SPAG9: variants seen among roughly 807,000 people sequenced by gnomAD.
SPAG9 encodes the protein sperm associated antigen 9, also known as C-Jun-amino-terminal kinase-interacting protein 4.
A neutral mutation model predicts 166.5 loss-of-function variants in SPAG9; 35 were observed. The observed-to-expected ratio is 0.21, with a 90% CI of 0.16 to 0.28. SPAG9 has a LOEUF of 0.28. Among genes scored for constraint, SPAG9 ranks in the 10% least tolerant of loss-of-function variants. The pLI is 1.00. For missense variants in SPAG9, 1,235 were observed against 1,603.3 expected, an observed-to-expected ratio of 0.77 and a Z score of 3.92; for synonymous variants, 534 against 565.5, an observed-to-expected ratio of 0.94 and a Z score of 0.79.
At chr17:51,010,142 T>G (rs1392776857) in intron 9 of SPAG9, among the ~76,000 whole-genome samples, 3 of 152,112 alleles carry the variant, frequency 2.0e-5, no homozygotes, top group Non-Finnish European at 4.4e-5. Context: ...GCTAGGTCCA[T>G]AGATGAGCTT....
intron 1 of SPAG9, among the ~76,000 whole-genome samples, chr17:51,113,019 C>T (rs1598205198): frequency 6.9e-6 from 1 of 145,682 alleles, no homozygotes; most frequent in Non-Finnish European, 1.5e-5. Flanking sequence ...CAAAAACAAA[C>T]AGTTCAGAAA....
intron 12 of SPAG9, 70 bp downstream of exon 12, chr17:51,005,142 C>A (rs759415231): frequency 5.4e-6 from 7 of 1,304,110 alleles, no homozygotes; most frequent in Non-Finnish European, 7.7e-6. Flanking sequence ...CCAAAGCTTA[C>A]GTAGGAAGAT....
chr17:51,054,175 G>T (rs2047291846), intron 3 of SPAG9, among the ~76,000 whole-genome samples: 1 of 133,870 alleles, frequency 7.5e-6, no homozygotes, highest in Non-Finnish European at 1.5e-5. Flanking sequence ...GGAGTGTAGT[G>T]GCACAATATT....
chr17:51,017,998 T>C lies in SPAG9; in HGVS notation c.1091+2161A>G, dbSNP rs552892856. ...TTAATTAATTAAAGGATCAACTTTA[T>C]GGAAGAAATGAAAAGAAAGGCAGTA... On this transcript the variant is annotated intron_variant, in intron 8 of 29. Transcript: ENST00000262013. Among the ~76,000 whole-genome samples, 6 of 152,146 alleles carry C rather than the reference T, an allele frequency of 3.9e-5. 1 individual carries two copies. The highest frequency in any genetic ancestry group is 8.8e-5 in the Non-Finnish European group (6 of 68,016).
chr17:51,066,109 CT>C (rs367569277), intron 2 of SPAG9, among the ~76,000 whole-genome samples: 84 of 147,202 alleles, frequency 5.7e-4, no homozygotes, highest in African/African-American at 1.2e-3. Context: ...CCCCATTACG[CT>C]TTTTTTTTTT....
At chr17:50,975,979 C>G (rs1974176449) in intron 27 of SPAG9, 1 of 1,104,398 alleles carries the variant, frequency 9.1e-7, no homozygotes, top group Non-Finnish European at 1.3e-6. Context: ...CCACCACTCT[C>G]AGCGTCTTCT....
chr17:51,088,422 G>A (rs1382371593), intron 1 of SPAG9, among the ~76,000 whole-genome samples: 2 of 152,110 alleles, frequency 1.3e-5, no homozygotes, highest in African/African-American at 4.8e-5. Context: ...CATCAAAGAC[G>A]TATCATAAAC....
intron 24 of SPAG9, among the ~76,000 whole-genome samples, chr17:50,983,131 G>A (rs1974778714): frequency 6.6e-6 from 1 of 152,156 alleles, no homozygotes; most frequent in African/African-American, 2.4e-5. Context: ...GAAATATGAA[G>A]GAGAACCAGT....
At position 51,031,731 on chromosome 17, in the gene SPAG9, A is replaced by C. The variant is rs989460579; in HGVS notation, c.742-9T>G. 5.2e-6 allele frequency: 8 copies of C among 1,548,902 alleles called. No homozygotes were observed. The Admixed American group carries it at 1.2e-4, about 23-fold the overall frequency. On this transcript the variant is annotated splice_polypyrimidine_tract_variant and intron_variant, in intron 5 of 29. Coordinates refer to ENST00000262013, the MANE Select transcript of SPAG9 (RefSeq NM_001130528.3). ...TCAGGACTATTGCTGACCTAGGAAG[A>C]GGGAAGATTATAAAAGAGAAAAAAA...
chr17:50,995,313 G>C, intron 17 of SPAG9, 89 bp from the exon 18 acceptor site: 2 of 1,330,676 alleles, frequency 1.5e-6, no homozygotes, highest in Non-Finnish European at 2.1e-6. Flanking sequence ...TGTAAATACA[G>C]GTCTTATAAC....
At chr17:51,086,890 C>A (rs2048321987) in intron 1 of SPAG9, among the ~76,000 whole-genome samples, 1 of 151,950 alleles carries the variant, frequency 6.6e-6, no homozygotes, top group Non-Finnish European at 1.5e-5. Context: ...CCACTGCACT[C>A]CAGCCTGGGT....
chr17:51,053,092 T>G (rs1455159428), intron 3 of SPAG9, among the ~76,000 whole-genome samples: 1 of 151,758 alleles, frequency 6.6e-6, no homozygotes. Flanking sequence ...TACTTTAATA[T>G]AGCATAATTT....
At chr17:51,090,481 G>A (rs2048435553) in intron 1 of SPAG9, among the ~76,000 whole-genome samples, 1 of 152,084 alleles carries the variant, frequency 6.6e-6, no homozygotes, top group Non-Finnish European at 1.5e-5. Context: ...AGTCCAGCCT[G>A]GGCAACAGAG....
chr17:51,053,462 G>T (rs2047237157), intron 3 of SPAG9, among the ~76,000 whole-genome samples: 1 of 152,052 alleles, frequency 6.6e-6, no homozygotes, highest in African/African-American at 2.4e-5. Context: ...CAAGGCAGAT[G>T]GATCACGAGG....
chr17:51,031,475 ACTTTGGG>A, intron 6 of SPAG9, 199 bp downstream of exon 6: 1 of 563,260 alleles, frequency 1.8e-6, no homozygotes, highest in South Asian at 2.3e-5. Flanking sequence ...AAAAATGCTT[ACTTTGGG>A]GAAGGAATAA....
intron 14 of SPAG9, among the ~76,000 whole-genome samples, 169 bp from the exon 15 acceptor site, chr17:50,998,786 C>T (rs1338079213): frequency 6.6e-6 from 1 of 152,228 alleles, no homozygotes; most frequent in Non-Finnish European, 1.5e-5. Context: ...AGCAGTAACT[C>T]GTAGCCAAAC....
chr17:51,119,885 G>T (rs2049421029), intron 1 of SPAG9, among the ~76,000 whole-genome samples: 1 of 152,162 alleles, frequency 6.6e-6, no homozygotes, highest in African/African-American at 2.4e-5. Flanking sequence ...GAAAGAGGGA[G>T]ATCTCTAACT....
intron 1 of SPAG9, among the ~76,000 whole-genome samples, chr17:51,094,706 T>G (rs377389730): frequency 5.9e-5 from 9 of 152,194 alleles, no homozygotes; most frequent in African/African-American, 2.2e-4. Context: ...GTCTCATATA[T>G]GTTTTTACAC....
rs925882324 is a variant in SPAG9 at position 51,055,501 on chromosome 17, T to C, written c.495+911A>G. On this transcript the variant is annotated intron_variant, in intron 3 of 29. Coordinates refer to ENST00000262013, the MANE Select transcript of SPAG9 (RefSeq NM_001130528.3). Reference sequence around the variant, plus strand: ...ACATGATTTTAAATTGTTTTATGATTATAGATTATAAAGGTTTTTATACTC... The same window carrying C: ...ACATGATTTTAAATTGTTTTATGATCATAGATTATAAAGGTTTTTATACTC... Among the ~76,000 whole-genome samples the C allele has an allele frequency of 7.9e-5, 12 of 152,184 alleles. No homozygotes were observed. The South Asian group carries it at 1.0e-3, about 13-fold the overall frequency.
Sources: allele counts gnomAD v4.1 joint callset (sites outside exome capture counted in the v4.1 genomes callset), GRCh38; gene constraint gnomAD v4.1.1; transcripts MANE v1.5; gene names NCBI Gene and HGNC (gene_info 2026-07-23, HGNC 2026-07-21).